PDZRN3: variants seen among roughly 807,000 people sequenced by gnomAD.
PDZRN3 encodes PDZ domain containing ring finger 3.
A neutral mutation model predicts 85.7 loss-of-function variants in PDZRN3; 38 were observed. That is an observed-to-expected ratio of 0.44 (90% CI 0.34 to 0.58). The LOEUF is 0.58. Among genes scored for constraint, PDZRN3 ranks in the 20% least tolerant of loss-of-function variants. The pLI is 0.01. For synonymous variants in PDZRN3, 759 were observed against 638.0 expected (o/e 1.19, Z -2.86); for missense variants, 1,629 against 1,506.4 (o/e 1.08, Z -1.35).
intron 3 of PDZRN3, among the ~76,000 whole-genome samples, chr3:73,419,497 C>T (rs1365365461): frequency 6.6e-6 from 1 of 152,150 alleles, no homozygotes; most frequent in Non-Finnish European, 1.5e-5. Flanking sequence ...GCACACGCAA[C>T]GGCAGAGAAC....
chr3:73,487,553 G>A (rs562972648), intron 3 of PDZRN3, among the ~76,000 whole-genome samples: 1 of 152,158 alleles, frequency 6.6e-6, no homozygotes, highest in Non-Finnish European at 1.5e-5. Context: ...TGACTGCTGG[G>A]ACTGTCCAGG....
At chr3:73,501,524 T>C (rs1340126529) in intron 3 of PDZRN3, among the ~76,000 whole-genome samples, 3 of 152,198 alleles carry the variant, frequency 2.0e-5, no homozygotes. Flanking sequence ...CTTTCCCACT[T>C]CTAATCTAGC....
intron 3 of PDZRN3, among the ~76,000 whole-genome samples, chr3:73,438,427 T>C (rs1481983582): frequency 2.0e-5 from 3 of 152,250 alleles, no homozygotes. Flanking sequence ...AAATACAACC[T>C]TGTTTTCTCT....
At chr3:73,418,372 T>C (rs1462783499) in intron 3 of PDZRN3, among the ~76,000 whole-genome samples, 5 of 152,228 alleles carry the variant, frequency 3.3e-5, no homozygotes, top group African/African-American at 4.8e-5. Context: ...GGTGAGTCCA[T>C]TGATACATGC....
intron 3 of PDZRN3, among the ~76,000 whole-genome samples, chr3:73,530,774 TG>T (rs1278942803): frequency 6.6e-6 from 1 of 152,232 alleles, no homozygotes; most frequent in Non-Finnish European, 1.5e-5. Flanking sequence ...ATCAAAACTT[TG>T]AATTTTAAGA....
intron 3 of PDZRN3, among the ~76,000 whole-genome samples, chr3:73,476,340 G>C (rs1703448449): frequency 6.6e-6 from 1 of 152,130 alleles, no homozygotes; most frequent in African/African-American, 2.4e-5. Flanking sequence ...ACAGTGAAGG[G>C]AAAAGTGCTA....
At chr3:73,600,227 G>A (rs1702492888) in intron 3 of PDZRN3, among the ~76,000 whole-genome samples, 1 of 122,412 alleles carries the variant, frequency 8.2e-6, no homozygotes, top group Non-Finnish European at 1.8e-5. Flanking sequence ...GTGAAGATCT[G>A]GTGGTGGTTT....
rs144806441 is a variant in PDZRN3 at position 73,472,645 on chromosome 3, G to A, written c.919-68250C>T. On this transcript the variant is annotated intron_variant, in intron 3 of 9. Coordinates refer to ENST00000263666, the MANE Select transcript of PDZRN3 (RefSeq NM_015009.3). ...TAGCTCTCTGTTTTTCTGTGGCCAGGCATTTGGGGAAAGTTGCTAATCAAT... is the reference window on the plus strand; with the variant it reads ...TAGCTCTCTGTTTTTCTGTGGCCAGACATTTGGGGAAAGTTGCTAATCAAT... 1.5e-4 allele frequency among the ~76,000 whole-genome samples: 23 copies of A among 152,280 alleles called. No individual in the cohort carries two copies. The East Asian group carries it at 4.4e-3, about 29-fold the overall frequency.
intron 3 of PDZRN3, among the ~76,000 whole-genome samples, chr3:73,473,727 G>C (rs1703393945): frequency 1.3e-5 from 2 of 152,274 alleles, no homozygotes; most frequent in South Asian, 2.1e-4. Flanking sequence ...AAAATGCCAG[G>C]AGCAGACCCA....
At chr3:73,549,548 C>T (rs1378596484) in intron 3 of PDZRN3, among the ~76,000 whole-genome samples, 3 of 152,096 alleles carry the variant, frequency 2.0e-5, no homozygotes, top group African/African-American at 4.8e-5. Context: ...TCCTGGTAAT[C>T]GGCAAAGGTG....
At chr3:73,524,841 G>A (rs1704483437) in intron 3 of PDZRN3, among the ~76,000 whole-genome samples, 1 of 151,410 alleles carries the variant, frequency 6.6e-6, no homozygotes, top group African/African-American at 2.4e-5. Flanking sequence ...CTCAGGAGGT[G>A]AAACATACCA....
intron 3 of PDZRN3, among the ~76,000 whole-genome samples, chr3:73,542,703 G>T (rs1183246876): frequency 6.6e-6 from 1 of 152,028 alleles, no homozygotes; most frequent in Non-Finnish European, 1.5e-5. Context: ...GAACCCGGGA[G>T]GTGGAGGTTG....
At chr3:73,407,231 AT>A (rs999859880) in intron 3 of PDZRN3, among the ~76,000 whole-genome samples, 1 of 152,154 alleles carries the variant, frequency 6.6e-6, no homozygotes, top group Non-Finnish European at 1.5e-5. Flanking sequence ...GGAAAGGGCC[AT>A]TTTTTGCCTC....
chr3:73,589,361 A>G (rs1702322188), intron 3 of PDZRN3, among the ~76,000 whole-genome samples: 1 of 152,210 alleles, frequency 6.6e-6, no homozygotes, highest in Admixed American at 6.5e-5. Context: ...TTATTACTGA[A>G]TCCTTTAATA....
intron 1 of PDZRN3, among the ~76,000 whole-genome samples, chr3:73,616,610 C>A (rs2106914864): frequency 6.6e-6 from 1 of 152,246 alleles, no homozygotes; most frequent in African/African-American, 2.4e-5. Flanking sequence ...ACAATGAAAC[C>A]AAATTATTGA....
chr3:73,403,301 T>C (rs1701791419), intron 4 of PDZRN3, among the ~76,000 whole-genome samples: 1 of 152,208 alleles, frequency 6.6e-6, no homozygotes, highest in Non-Finnish European at 1.5e-5. Context: ...GCCAGCAGTC[T>C]ATCACAGAAA....
At chr3:73,497,804 C>T (rs189703848) in intron 3 of PDZRN3, among the ~76,000 whole-genome samples, 5 of 149,254 alleles carry the variant, frequency 3.3e-5, no homozygotes, top group African/African-American at 1.3e-4. Context: ...CAGCGCCCCC[C>T]GTCCCCGCCC....
chr3:73,564,918 G>T (rs1382678929), intron 3 of PDZRN3, among the ~76,000 whole-genome samples: 1 of 152,032 alleles, frequency 6.6e-6, no homozygotes, highest in Admixed American at 6.6e-5. Flanking sequence ...ATAAATGTCA[G>T]GTAGCTGCTC....
Position 73,384,247 on chromosome 3 carries a change from G to C in PDZRN3, c.2319C>G (p.Ile773Met). 1 of 1,613,430 alleles carries C rather than the reference G, an allele frequency of 6.2e-7. No individual in the cohort carries two copies. Among genetic ancestry groups the C allele is most frequent in the Non-Finnish European group, 8.5e-7 (1 of 1,179,894 alleles). The change falls in exon 10 of 10, where the codon ATC becomes ATG. Residue 773 changes from isoleucine (I) to methionine (M), a missense_variant. Transcript: ENST00000263666. ...SCRSTPLTLE[I>M]SPDNSLRRAA... ...CTCTCCTCAAGGAGTTGTCGGGGGAGATCTCCAGGGTGAGCGGGGTGCTGC... is the reference window on the plus strand; with the variant it reads ...CTCTCCTCAAGGAGTTGTCGGGGGACATCTCCAGGGTGAGCGGGGTGCTGC...
Sources: gnomAD v4.1 joint callset for allele counts (sites outside exome capture counted in the v4.1 genomes callset) on GRCh38, gnomAD v4.1.1 for gene constraint, MANE v1.5 for transcripts, NCBI Gene and HGNC (gene_info 2026-07-23, HGNC 2026-07-21) for gene names.